Variants in COLGALT1 observed in about 807,000 individuals in gnomAD.
COLGALT1 encodes the protein collagen beta(1-O)galactosyltransferase 1.
Under a neutral mutation model 60.8 loss-of-function variants are expected in COLGALT1, and 43 were observed. The ratio of observed to expected loss-of-function variants is 0.71; its 90% CI spans 0.55 to 0.91. The LOEUF is 0.91. Ranked by LOEUF, COLGALT1 falls within the 40% of genes least tolerant of loss-of-function variation. The pLI is 0.00. For synonymous variants in COLGALT1, 369 were observed against 374.2 expected (o/e 0.99, Z 0.16); for missense variants, 845 against 880.0 (o/e 0.96, Z 0.50).
At chr19:17,559,476 C>A in intron 2 of COLGALT1, 55 bp downstream of exon 2, 1 of 1,320,990 alleles carries the variant, frequency 7.6e-7, no homozygotes, top group African/African-American at 1.5e-5. Flanking sequence ...TGCTCACACA[C>A]CCTCTATGGC....
rs368380442 is a variant in COLGALT1 at position 17,580,820 on chromosome 19, G to T, written c.1516G>T (p.Ala506Ser). The T allele has an allele frequency of 1.9e-6, 3 of 1,613,728 alleles. No individual in the cohort carries two copies. Among genetic ancestry groups the T allele is most frequent in the South Asian group, 1.1e-5 (1 of 91,044 alleles). ...GGCCTACGTGATCTCCCTGCAAGGC[G>T]CCCGCAAACTGCTGGCTGCTGAGCC... ...TLAYVISLQG[A>S]RKLLAAEPLS... The change falls in exon 11 of 12, where the codon GCC (alanine) becomes TCC (serine). Residue 506 changes from alanine to serine, a missense_variant. By Grantham distance (99) the Ala-to-Ser change is moderately conservative. Transcript: ENST00000252599.
intron 9 of COLGALT1, 92 bp downstream of exon 9, chr19:17,578,181 C>A: frequency 7.3e-7 from 1 of 1,376,390 alleles, no homozygotes; most frequent in Non-Finnish European, 9.5e-7. Flanking sequence ...TTCCCCAAAG[C>A]CCCGGCTAGG....
Position 17,555,754 on chromosome 19 carries a change from C to G in COLGALT1, c.41C>G (p.Pro14Arg). The change falls in exon 1 of 12, where the codon CCG becomes CGG. Residue 14 changes from proline (P) to arginine (R), a missense_variant. Physicochemically the swap from Pro to Arg is moderately radical, Grantham distance 103. Transcript: ENST00000252599. ...APRAGRRRGQ[P>R]LLALLLLLLA... is the part of the protein sequence containing the mutation. ...CGCGCGGGCCGGCGGCGCGGGCAGCCGCTCCTGGCGCTGCTGCTTCTGCTG... is the reference window on the plus strand; with the variant it reads ...CGCGCGGGCCGGCGGCGCGGGCAGCGGCTCCTGGCGCTGCTGCTTCTGCTG... 1.6e-6 allele frequency: 2 copies of G among 1,215,526 alleles called. No homozygotes were observed. The allele number at this position is 1,215,526 out of a possible 1,614,324, so 75.3% of individuals were successfully genotyped here.
intron 1 of COLGALT1, among the ~76,000 whole-genome samples, 200 bp from the exon 2 acceptor site, chr19:17,559,111 G>A (rs1467467238): frequency 6.6e-6 from 1 of 152,104 alleles, no homozygotes; most frequent in Non-Finnish European, 1.5e-5. Context: ...AGTGAGCCGA[G>A]ATCGCGCCAC....
rs901428278 is a variant in COLGALT1, at chr19:17,582,738, A to G, written c.*1294A>G. 8.5e-5 allele frequency: 13 copies of G among 152,234 alleles called. No individual in the cohort carries two copies. In the East Asian group the frequency reaches 2.5e-3, roughly 29 times the overall value. The allele number at this position is 152,234 out of a possible 1,614,324, so 9.4% of individuals were successfully genotyped here. ...AGCTGTGTGCAGACAACATCCCCCC[A>G]CCACCCAAGAGGGAGGGTAGCTCTT... On this transcript the variant is annotated 3_prime_UTR_variant, in exon 12 of 12. Coordinates refer to ENST00000252599, the MANE Select transcript of COLGALT1 (RefSeq NM_024656.4).
intron 1 of COLGALT1, among the ~76,000 whole-genome samples, chr19:17,558,146 C>T (rs1435520010): frequency 6.6e-6 from 1 of 151,682 alleles, no homozygotes; most frequent in Non-Finnish European, 1.5e-5. Context: ...ACCATGTTGG[C>T]CAGGCTAGGC....
Position 17,568,733 on chromosome 19 carries a change from G to T in COLGALT1, c.829+20G>T, listed in dbSNP as rs1380106796. ...AGGCAGGTACGTACATGAGGGGTCT[G>T]CCATCGCAGGGGCATCTGCCTGGTT... is the stretch of plus-strand genomic sequence containing the variant. On this transcript the variant is annotated intron_variant, in intron 5 of 11. Coordinates refer to ENST00000252599, the MANE Select transcript of COLGALT1 (RefSeq NM_024656.4). 1.9e-6 allele frequency: 3 copies of T among 1,612,734 alleles called. No individual in the cohort carries two copies. In the South Asian group the frequency reaches 3.3e-5, roughly 18 times the overall value.
Position 17,581,723 on chromosome 19 carries a change from G to A in COLGALT1, c.*279G>A. 2.0e-6 allele frequency: 1 copy of A among 498,212 alleles called. No individual in the cohort carries two copies. The highest frequency in any genetic ancestry group is 3.6e-6 in the Non-Finnish European group (1 of 276,618). The allele number at this position is 498,212 out of a possible 1,614,324, so 30.9% of individuals were successfully genotyped here. On this transcript the variant is annotated 3_prime_UTR_variant, in exon 12 of 12. Coordinates refer to ENST00000252599, the MANE Select transcript of COLGALT1 (RefSeq NM_024656.4). ...AGCATTTATTAAGCACCTGCTGTAT[G>A]CAAGGTTCCCATGTTACGGCAGTGA... is the stretch of plus-strand genomic sequence containing the variant.
intron 11 of COLGALT1, 75 bp downstream of exon 11, chr19:17,580,980 AC>A: frequency 6.5e-7 from 1 of 1,546,512 alleles, no homozygotes; most frequent in Admixed American, 1.8e-5. Flanking sequence ...TGTGAGACTC[AC>A]GGCCTCCGAG....
At position 17,581,757 on chromosome 19, in the gene COLGALT1, T is replaced by C. The variant is rs1025882004; in HGVS notation, c.*313T>C. 7 of 416,568 alleles carry C rather than the reference T, an allele frequency of 1.7e-5. No individual in the cohort carries two copies. The highest frequency in any genetic ancestry group is 1.6e-4 in the Admixed American group (4 of 25,068). 25.8% of individuals were successfully genotyped at this position (416,568 alleles called of 1,614,324 possible). A position where few individuals can be genotyped will look rare whatever the true frequency, so the allele number is the denominator to read the frequency against. On this transcript the variant is annotated 3_prime_UTR_variant, in exon 12 of 12. Transcript: ENST00000252599. ...CCATGTTACGGCAGTGAATGAGGCATAATTGTTCCCTCCATCAGCGATTGA... is the reference window on the plus strand; with the variant it reads ...CCATGTTACGGCAGTGAATGAGGCACAATTGTTCCCTCCATCAGCGATTGA...
chr19:17,559,482 A>T, intron 2 of COLGALT1, 61 bp downstream of exon 2: 1 of 1,277,738 alleles, frequency 7.8e-7, no homozygotes, highest in African/African-American at 1.5e-5. Context: ...CACACCCTCT[A>T]TGGCTCCCCA....
chr19:17,579,557 C>G lies in COLGALT1; in HGVS notation c.1342C>G (p.Leu448Val). 1 of 1,613,086 alleles carries G rather than the reference C, an allele frequency of 6.2e-7. No individual in the cohort carries two copies. The highest frequency in any genetic ancestry group is 8.5e-7 in the Non-Finnish European group (1 of 1,179,598). Residue 448 changes from leucine to valine, a missense_variant, in exon 10 of 12, where the codon CTG becomes GTG. Transcript: ENST00000252599. ...LRFEIFFKRR[L>V]MNLMRDVERE... ...TTTTGAGATCTTCTTCAAGAGACGTCTGATGAACCTCATGCGGGATGTGGA... is the reference window on the plus strand; with the variant it reads ...TTTTGAGATCTTCTTCAAGAGACGTGTGATGAACCTCATGCGGGATGTGGA...
At chr19:17,577,488 T>C in intron 8 of COLGALT1, 21 bp downstream of exon 8, 1 of 17,106 alleles carries the variant, frequency 5.8e-5, no homozygotes, top group Non-Finnish European at 1.0e-4. Context: ...GGCCTGGGGG[T>C]GGGGGGGCGG....
intron 6 of COLGALT1, 24 bp from the exon 7 acceptor site, chr19:17,577,171 C>G (rs1331897402): frequency 6.2e-7 from 1 of 1,611,460 alleles, no homozygotes. Context: ...ACCCCAGCGA[C>G]TCCTCAACGT....
rs111892870 is a variant in COLGALT1, at chr19:17,581,422, G to T, written c.1847G>T (p.Ser616Ile). 32 of 1,609,844 alleles carry T rather than the reference G, an allele frequency of 2.0e-5. 1 individual carries two copies. In the African/African-American group the frequency reaches 3.5e-4, roughly 17 times the overall value. ...GACGTGCTCCAGTCCCCACTGGACAGTGCTGCCCGGGATGAACTCTGAGGG... is the reference window on the plus strand; with the variant it reads ...GACGTGCTCCAGTCCCCACTGGACATTGCTGCCCGGGATGAACTCTGAGGG... Reference protein sequence around the residue: ...NSDVLQSPLDSAARDEL With the variant: ...NSDVLQSPLDIAARDEL Residue 616 changes from serine to isoleucine, a missense_variant, in exon 12 of 12, where the codon AGT becomes ATT. By Grantham distance (142) the Ser-to-Ile change is moderately radical. Coordinates refer to ENST00000252599, the MANE Select transcript of COLGALT1 (RefSeq NM_024656.4).
At chr19:17,570,722 C>T (rs1338229679) in intron 5 of COLGALT1, among the ~76,000 whole-genome samples, 1 of 151,910 alleles carries the variant, frequency 6.6e-6, no homozygotes, top group Non-Finnish European at 1.5e-5. Context: ...TGCACCACCA[C>T]GCCTGGCTAA....
Position 17,559,369 on chromosome 19 carries a change from G to A in COLGALT1, c.319G>A (p.Ala107Thr). 6.4e-7 allele frequency: 1 copy of A among 1,552,188 alleles called. No homozygotes were observed. Among genetic ancestry groups the A allele is most frequent in the Non-Finnish European group, 8.7e-7 (1 of 1,147,338 alleles). Residue 107 changes from alanine to threonine, a missense_variant, in exon 2 of 12, where the codon GCC (alanine) becomes ACC (threonine). Physicochemically the swap from Ala to Thr is moderately conservative, Grantham distance 58. Transcript: ENST00000252599. ...AACTGTGCTGCGGGAGTGGCTGGTG[G>A]CCGTGAAGAGTTTGTACCATTCCGT... The part of the protein sequence containing the change: ...TSTVLREWLV[A>T]VKSLYHSVEW...
intron 1 of COLGALT1, among the ~76,000 whole-genome samples, chr19:17,557,043 TATC>T (rs2076216331): frequency 2.0e-5 from 3 of 152,370 alleles, no homozygotes; most frequent in African/African-American, 4.8e-5. Flanking sequence ...GTGATTTTAT[TATC>T]ATGATTACTG....
At chr19:17,562,814 G>C (rs1472009077) in intron 3 of COLGALT1, among the ~76,000 whole-genome samples, 1 of 152,166 alleles carries the variant, frequency 6.6e-6, no homozygotes, top group Non-Finnish European at 1.5e-5. Flanking sequence ...GTTCTGCTTT[G>C]ACACTGGATG....
Sources: allele counts gnomAD v4.1 joint callset (sites outside exome capture counted in the v4.1 genomes callset), GRCh38; gene constraint gnomAD v4.1.1; transcripts MANE v1.5; gene names NCBI Gene and HGNC (gene_info 2026-07-23, HGNC 2026-07-21).